The following POLR2B variants were observed in gnomAD, a reference collection of about 807,000 sequenced individuals.
The protein encoded by POLR2B is RNA polymerase II subunit B.
A neutral mutation model predicts 144.6 loss-of-function variants in POLR2B; 57 were observed. The ratio of observed to expected loss-of-function variants is 0.39; its 90% CI spans 0.32 to 0.49. POLR2B has a LOEUF of 0.49. POLR2B is among the 20% of genes least tolerant of loss of function. POLR2B has a pLI of 0.83. For synonymous variants in POLR2B, 442 were observed against 469.8 expected (o/e 0.94, Z 0.77); for missense variants, 595 against 1,467.4 (o/e 0.41, Z 9.71).
At chr4:57,019,794 GTTA>G (rs1723483554) in intron 16 of POLR2B, among the ~76,000 whole-genome samples, 1 of 120,826 alleles carries the variant, frequency 8.3e-6, no homozygotes, top group Non-Finnish European at 1.6e-5. Context: ...GAAAGCAACT[GTTA>G]TTGTATTCAA....
At chr4:56,983,520 C>G (rs992523717) in intron 1 of POLR2B, among the ~76,000 whole-genome samples, 1 of 151,674 alleles carries the variant, frequency 6.6e-6, no homozygotes, top group Non-Finnish European at 1.5e-5. Flanking sequence ...TTCAGGGATG[C>G]GCCACCATGC....
intron 23 of POLR2B, among the ~76,000 whole-genome samples, chr4:57,027,190 G>A (rs1373187069): frequency 6.7e-6 from 1 of 150,122 alleles, no homozygotes; most frequent in Non-Finnish European, 1.5e-5. Context: ...TGTATTTTTT[G>A]TAGAGCCAGG....
intron 23 of POLR2B, among the ~76,000 whole-genome samples, chr4:57,029,679 C>T (rs1723847544): frequency 6.6e-6 from 1 of 152,074 alleles, no homozygotes; most frequent in Non-Finnish European, 1.5e-5. Flanking sequence ...GGTTGATTGC[C>T]TGGGACAGTC....
Position 57,017,750 on chromosome 4 carries a change from GTTATT to G in POLR2B, c.2323+24_2323+28del, listed in dbSNP as rs1056741413. The stretch of plus-strand genomic sequence containing the variant: ...GCAGGTATGGTCAGTTTTGCTCTAC[GTTATT>G]TAAGATCCTTCTGTGCTTAAGGCAC... On this transcript the variant is annotated intron_variant, in intron 16 of 24. Coordinates refer to ENST00000314595, the MANE Select transcript of POLR2B (RefSeq NM_000938.3). The surrounding 1 kb of genome is among the most constrained non-coding windows in gnomAD (Gnocchi z 4.8). The G allele has an allele frequency of 2.5e-6, 4 of 1,593,008 alleles. No individual in the cohort carries two copies. The African/African-American group carries it at 5.4e-5, about 21-fold the overall frequency.
chr4:57,023,664 A>AAAT lies in POLR2B; in HGVS notation c.2769_2770insAAT (p.Val923_Arg924insAsn). 1 of 1,611,954 alleles carries AAAT rather than the reference A, an allele frequency of 6.2e-7. No individual in the cohort carries two copies. Among genetic ancestry groups the AAAT allele is most frequent in the Non-Finnish European group, 8.5e-7 (1 of 1,178,546 alleles). The stretch of plus-strand genomic sequence containing the variant: ...AACTTATTTTTATATGAATTTAGGT[A>AAAT]CGCTCTGTTAGGATTCCACAGATTG... On this transcript the variant is annotated inframe_insertion, in exon 20 of 25. Transcript: ENST00000314595. This position sits in a 1 kb window ranked among gnomAD's most constrained non-coding sequence, Gnocchi z 4.3.
chr4:56,990,914 T>C lies in POLR2B; in HGVS notation c.243+16T>C. 2 of 1,602,118 alleles carry C rather than the reference T, an allele frequency of 1.2e-6. No homozygotes were observed. The highest frequency in any genetic ancestry group is 1.7e-6 in the Non-Finnish European group (2 of 1,175,130). Reference sequence around the variant, plus strand: ...TGAAGAACCGGTAAGATAGTTCTAATAGTTACACAGGTACAAGAAGCGTAT... The same window carrying C: ...TGAAGAACCGGTAAGATAGTTCTAACAGTTACACAGGTACAAGAAGCGTAT... On this transcript the variant is annotated intron_variant, in intron 3 of 24. Coordinates refer to ENST00000314595, the MANE Select transcript of POLR2B (RefSeq NM_000938.3).
intron 17 of POLR2B, 48 bp downstream of exon 17, chr4:57,021,043 A>C (rs776750606): frequency 1.0e-6 from 1 of 999,644 alleles, no homozygotes; most frequent in South Asian, 1.3e-5. Context: ...TGGAAACACT[A>C]ATTTTTTATG....
At chr4:57,019,707 C>T (rs1723479129) in intron 16 of POLR2B, among the ~76,000 whole-genome samples, 1 of 150,694 alleles carries the variant, frequency 6.6e-6, no homozygotes, top group South Asian at 2.1e-4. Flanking sequence ...ACATTGATAT[C>T]CATATAGTCA....
intron 3 of POLR2B, among the ~76,000 whole-genome samples, chr4:56,993,497 G>T (rs1352981471): frequency 6.6e-6 from 1 of 152,172 alleles, no homozygotes; most frequent in African/African-American, 2.4e-5. Flanking sequence ...GGAGACTTGA[G>T]TGTCAATAAT....
intron 23 of POLR2B, 77 bp from the exon 24 acceptor site, chr4:57,030,127 C>T (rs774864934): frequency 1.0e-5 from 12 of 1,145,040 alleles, no homozygotes; most frequent in Non-Finnish European, 1.5e-5. Context: ...AAATATTATT[C>T]TCCACCTTTG....
At chr4:56,989,208 G>C (rs1322663786) in intron 2 of POLR2B, among the ~76,000 whole-genome samples, 1 of 152,154 alleles carries the variant, frequency 6.6e-6, no homozygotes, top group Non-Finnish European at 1.5e-5. Flanking sequence ...AGTAGCTATA[G>C]TTCAGCTTCC....
In POLR2B at chr4:56,999,793, G is replaced by A. The variant is rs528742826; in HGVS notation, c.900+12G>A. On this transcript the variant is annotated intron_variant, in intron 7 of 24. Coordinates refer to ENST00000314595, the MANE Select transcript of POLR2B (RefSeq NM_000938.3). ...AGATGATGGAAATGGTAATGTGAAA[G>A]CAAAATGTATTCACAGAGCTTTATA... The A allele has an allele frequency of 2.6e-6, 4 of 1,562,032 alleles. No homozygotes were observed. In the South Asian group the frequency reaches 3.4e-5, roughly 13 times the overall value.
At chr4:57,002,691 G>A (rs781530649) in intron 7 of POLR2B, 1 of 152,038 alleles carries the variant, frequency 6.6e-6, no homozygotes, top group Non-Finnish European at 1.5e-5. Context: ...CTTGTGGAAT[G>A]GTCCTCGCTT....
intron 18 of POLR2B, among the ~76,000 whole-genome samples, chr4:57,022,807 A>G (rs1578591544): frequency 6.6e-6 from 1 of 152,344 alleles, no homozygotes; most frequent in East Asian, 1.9e-4. Context: ...TGCATGAAGT[A>G]AAATGTATTT....
chr4:57,005,861 C>G (rs1723004988), intron 9 of POLR2B, 142 bp downstream of exon 9: 1 of 718,546 alleles, frequency 1.4e-6, no homozygotes, highest in East Asian at 2.8e-5. Context: ...GCTATTTGCT[C>G]AGATTTAGTT....
intron 9 of POLR2B, among the ~76,000 whole-genome samples, 162 bp from the exon 10 acceptor site, chr4:57,006,654 T>G (rs1430224719): frequency 6.6e-6 from 1 of 152,232 alleles, no homozygotes; most frequent in Non-Finnish European, 1.5e-5. Flanking sequence ...GTTCACGTAC[T>G]ATACATATAT....
chr4:57,015,049 G>T (rs1718868), intron 13 of POLR2B, among the ~76,000 whole-genome samples: 34,486 of 151,756 alleles, frequency 0.23, 4,122 homozygotes, highest in Middle Eastern at 0.28. Flanking sequence ...GTCTGAGGGT[G>T]GGTGTGAGCA....
chr4:57,011,370 A>T (rs939555508), intron 13 of POLR2B, among the ~76,000 whole-genome samples: 1 of 152,172 alleles, frequency 6.6e-6, no homozygotes, highest in Non-Finnish European at 1.5e-5. Flanking sequence ...TCTACTAAAA[A>T]TACAACAATT....
chr4:57,029,816 T>C (rs892023709), intron 23 of POLR2B, among the ~76,000 whole-genome samples: 4 of 152,234 alleles, frequency 2.6e-5, no homozygotes, highest in Non-Finnish European at 5.9e-5. Context: ...TTGTGTCTTA[T>C]GAGGAAAATT....
Sources: gnomAD v4.1 joint callset for allele counts (sites outside exome capture counted in the v4.1 genomes callset) on GRCh38, gnomAD v4.1.1 for gene constraint, Gnocchi (gnomAD v3.1) non-coding constraint, MANE v1.5 for transcripts, NCBI Gene and HGNC (gene_info 2026-07-23, HGNC 2026-07-21) for gene names.